Variants in PCDH11Y observed in about 807,000 individuals in gnomAD.
The protein encoded by PCDH11Y is protocadherin 11 Y-linked.
For missense variants in PCDH11Y, 12 were observed against 224.8 expected, an observed-to-expected ratio of 0.05 and a Z score of 6.05; for synonymous variants, 9 against 83.6, an observed-to-expected ratio of 0.11 and a Z score of 4.87.
At chrY:5,163,075 T>C in intron 2 of PCDH11Y, among the ~76,000 whole-genome samples, 1 of 29,664 alleles carries the variant, frequency 3.4e-5, no homozygotes, top group Non-Finnish European at 8.2e-5. Flanking sequence ...TCAAACTCAA[T>C]GATAAAGAAA....
chrY:5,193,696 G>T, intron 2 of PCDH11Y, among the ~76,000 whole-genome samples: 11 of 32,959 alleles, frequency 3.3e-4, no homozygotes, highest in Non-Finnish European at 8.2e-4. Flanking sequence ...TTTTCCATTT[G>T]CATGATTATA....
chrY:5,348,061 A>G lies in PCDH11Y; in HGVS notation c.3130-152996A>G, dbSNP rs1300158420. Among the ~76,000 whole-genome samples the G allele has an allele frequency of 1.8e-4, 6 of 33,330 alleles. No individual in the cohort carries two copies. The East Asian group carries it at 4.8e-3, about 27-fold the overall frequency. 89.4% of individuals were successfully genotyped at this position (33,330 alleles called of 37,273 possible). On this transcript the variant is annotated intron_variant, in intron 2 of 4. Transcript: ENST00000400457. ...GCCTACGCTGACATAAGTCACAGGC[A>G]TCTTAAATTTTAATAGCTTTTCTGC...
chrY:5,034,025 A>G, intron 3 of PCDH11Y, among the ~76,000 whole-genome samples: 4 of 32,728 alleles, frequency 1.2e-4, no homozygotes, highest in African/African-American at 3.6e-4. Flanking sequence ...TAAGTTCTCC[A>G]TCTTTGTTGT....
At chrY:5,003,884 G>A in intron 1 of PCDH11Y, among the ~76,000 whole-genome samples, 1 of 33,223 alleles carries the variant, frequency 3.0e-5, no homozygotes, top group Non-Finnish European at 7.4e-5. Flanking sequence ...GAGGCAGGGC[G>A]TGTAGAGGCA....
chrY:5,470,071 A>G (rs2053312421), intron 2 of PCDH11Y, among the ~76,000 whole-genome samples: 1 of 21,620 alleles, frequency 4.6e-5, no homozygotes, highest in Non-Finnish European at 1.0e-4. Context: ...TTGCTTAGGT[A>G]GACTTTGTGC....
At chrY:5,329,916 C>A (rs2053128062) in intron 2 of PCDH11Y, among the ~76,000 whole-genome samples, 1 of 33,152 alleles carries the variant, frequency 3.0e-5, no homozygotes, top group African/African-American at 1.2e-4. Flanking sequence ...GAGCAAAAAG[C>A]GGGAGGACAG....
At chrY:5,286,157 A>G in intron 2 of PCDH11Y, among the ~76,000 whole-genome samples, 4 of 32,600 alleles carry the variant, frequency 1.2e-4, no homozygotes, top group Non-Finnish European at 3.0e-4. Flanking sequence ...GTTTTTGTCA[A>G]TTTCTGGAAG....
intron 2 of PCDH11Y, among the ~76,000 whole-genome samples, chrY:5,288,607 A>G: frequency 2.9e-4 from 9 of 31,549 alleles, no homozygotes. Context: ...AGCAGAATTC[A>G]TGCTTGCTCA....
intron 2 of PCDH11Y, among the ~76,000 whole-genome samples, chrY:5,345,543 TAAAC>T (rs2053151008): frequency 5.9e-5 from 2 of 33,918 alleles, no homozygotes; most frequent in African/African-American, 1.1e-4. Flanking sequence ...GTAGCTGAGA[TAAAC>T]AAACATCTAT....
chrY:5,708,027 G>A, intron 4 of PCDH11Y, among the ~76,000 whole-genome samples: 1 of 32,355 alleles, frequency 3.1e-5, no homozygotes, highest in Non-Finnish European at 7.6e-5. Flanking sequence ...AGACTTTTCA[G>A]TGAAAACCCT....
chrY:5,443,231 G>T, intron 2 of PCDH11Y, among the ~76,000 whole-genome samples: 7 of 32,534 alleles, frequency 2.2e-4, no homozygotes, highest in African/African-American at 8.3e-4. Flanking sequence ...TGAACAAGTG[G>T]GGTTTATTAT....
chrY:5,382,014 G>A (rs2053205791), intron 2 of PCDH11Y, among the ~76,000 whole-genome samples: 1 of 33,376 alleles, frequency 3.0e-5, no homozygotes, highest in Non-Finnish European at 7.4e-5. Flanking sequence ...CAATGGTTGC[G>A]GTCTGTTCTA....
At chrY:5,584,714 T>C (rs1602946531) in intron 4 of PCDH11Y, among the ~76,000 whole-genome samples, 1 of 28,505 alleles carries the variant, frequency 3.5e-5, no homozygotes, top group African/African-American at 1.4e-4. Flanking sequence ...CCATTAGTTG[T>C]TTTTCCTGAT....
intron 1 of PCDH11Y, among the ~76,000 whole-genome samples, chrY:5,007,543 TATC>T (rs2052541925): frequency 7.2e-5 from 1 of 13,905 alleles, no homozygotes; most frequent in Admixed American, 8.1e-4. Flanking sequence ...ATTCAGTTAC[TATC>T]ATCACATAAA....
chrY:5,461,139 G>T (rs2124683786), intron 2 of PCDH11Y, among the ~76,000 whole-genome samples: 2 of 33,103 alleles, frequency 6.0e-5, no homozygotes, highest in Admixed American at 5.5e-4. Flanking sequence ...AATTATATAC[G>T]TATATTATGT....
chrY:5,663,182 C>G, intron 4 of PCDH11Y, among the ~76,000 whole-genome samples: 1 of 27,957 alleles, frequency 3.6e-5, no homozygotes, highest in East Asian at 9.3e-4. Context: ...GGATGATAGA[C>G]AATGGAAGGA....
chrY:5,479,973 A>C (rs2053323892), intron 2 of PCDH11Y, among the ~76,000 whole-genome samples: 38 of 33,035 alleles, frequency 1.2e-3, no homozygotes, highest in African/African-American at 4.5e-3. Context: ...ATTGGGTTAA[A>C]ACACACTCCT....
intron 4 of PCDH11Y, among the ~76,000 whole-genome samples, chrY:5,654,458 T>A (rs1602956634): frequency 3.0e-5 from 1 of 33,253 alleles, no homozygotes; most frequent in South Asian, 6.9e-4. Flanking sequence ...TTATTCACAA[T>A]ACAACGACAT....
At chrY:5,619,375 T>C (rs1602952537) in intron 4 of PCDH11Y, among the ~76,000 whole-genome samples, 4 of 33,454 alleles carry the variant, frequency 1.2e-4, no homozygotes, top group Admixed American at 8.3e-4. Context: ...CATATGACTG[T>C]TAAAACAATT....
Sources: gnomAD v4.1 joint callset for allele counts (sites outside exome capture counted in the v4.1 genomes callset) on GRCh38, gnomAD v4.1.1 for gene constraint, MANE v1.5 for transcripts, NCBI Gene and HGNC (gene_info 2026-07-23, HGNC 2026-07-21) for gene names.